The following YTHDC2 variants were observed in gnomAD, a reference collection of about 807,000 sequenced individuals.
YTHDC2 encodes YTH N6-methyladenosine RNA binding protein C2, also known as 3'-5' RNA helicase YTHDC2.
Under a neutral mutation model 174.9 loss-of-function variants are expected in YTHDC2, and 45 were observed. That is an observed-to-expected ratio of 0.26 (90% confidence interval 0.20 to 0.33). YTHDC2 has a LOEUF of 0.33. Among genes scored for constraint, YTHDC2 ranks in the 10% least tolerant of loss-of-function variants. The probability of loss-of-function intolerance (pLI) is 1.00; values close to 1 mark genes in which losing one functional copy is unlikely to be tolerated. For missense variants in YTHDC2, 1,650 were observed against 1,723.7 expected (o/e 0.96, Z 0.76); for synonymous variants, 657 against 574.5 (o/e 1.14, Z -2.05).
intron 20 of YTHDC2, 94 bp downstream of exon 20, chr5:113,564,225 A>T: frequency 7.5e-7 from 1 of 1,335,124 alleles, no homozygotes; most frequent in Middle Eastern, 2.1e-4. Context: ...TATAAATTTT[A>T]AAATTGCATT....
intron 26 of YTHDC2, among the ~76,000 whole-genome samples, chr5:113,585,603 A>G (rs1041114812): frequency 2.7e-5 from 4 of 150,772 alleles, no homozygotes; most frequent in Non-Finnish European, 4.4e-5. Context: ...CATCACCCCT[A>G]CTCCCTGGTA....
At chr5:113,567,330 G>A (rs1439666405) in intron 22 of YTHDC2, 33 bp downstream of exon 22, 1 of 1,560,496 alleles carries the variant, frequency 6.4e-7, no homozygotes, top group Non-Finnish European at 8.6e-7. Flanking sequence ...GGGTTTTGAG[G>A]TGAAACTAAT....
chr5:113,542,929 C>G (rs572076509), intron 10 of YTHDC2, among the ~76,000 whole-genome samples: 1 of 152,276 alleles, frequency 6.6e-6, no homozygotes, highest in Non-Finnish European at 1.5e-5. Flanking sequence ...CAGTTAACTT[C>G]CAGTATTTCA....
chr5:113,522,825 G>A (rs1450144480), intron 2 of YTHDC2, among the ~76,000 whole-genome samples: 1 of 151,992 alleles, frequency 6.6e-6, no homozygotes, highest in Non-Finnish European at 1.5e-5. Flanking sequence ...ACTGTGGTAG[G>A]AATAATCAGT....
intron 26 of YTHDC2, among the ~76,000 whole-genome samples, chr5:113,589,407 AAATATATATAT>A (rs1168993900): frequency 9.2e-6 from 1 of 108,692 alleles, no homozygotes; most frequent in African/African-American, 3.9e-5. Context: ...AAAAAAAAAA[AAATATATATAT>A]ATATATATAT....
intron 26 of YTHDC2, among the ~76,000 whole-genome samples, chr5:113,589,406 A>AT (rs1350140447): frequency 0.015 from 1,642 of 110,972 alleles, 14 homozygotes; most frequent in Middle Eastern, 0.027. Context: ...AAAAAAAAAA[A>AT]AAATATATAT....
intron 1 of YTHDC2, among the ~76,000 whole-genome samples, chr5:113,514,491 C>CAA (rs1460806310): frequency 1.3e-5 from 2 of 152,192 alleles, no homozygotes; most frequent in African/African-American, 4.8e-5. Context: ...AATGCACCAG[C>CAA]AATACGTTTG....
intron 26 of YTHDC2, among the ~76,000 whole-genome samples, chr5:113,589,809 A>G (rs1402820786): frequency 2.0e-5 from 3 of 152,168 alleles, no homozygotes. Flanking sequence ...GGACATAATG[A>G]ATGTATTTAT....
chr5:113,514,186 G>A (rs1351800150), intron 1 of YTHDC2, 104 bp downstream of exon 1: 3 of 1,418,966 alleles, frequency 2.1e-6, no homozygotes, highest in Non-Finnish European at 2.9e-6. Flanking sequence ...TCCGAAGAGG[G>A]AGGGAAGACC....
chr5:113,553,221 G>C lies in YTHDC2; in HGVS notation c.1729G>C (p.Val577Leu), dbSNP rs1776379165. 2 of 1,565,532 alleles carry C rather than the reference G, an allele frequency of 1.3e-6. No individual in the cohort carries two copies. The stretch of plus-strand genomic sequence containing the variant: ...TGGAAATCTAGATGAAAGTTCTCTG[G>C]TTCAAACAAATGGAAGTGACCTCAG... ...EFGNLDESSL[V>L]QTNGSDLSAE... Residue 577 changes from valine (V) to leucine (L), a missense_variant, in exon 13 of 30, where the codon GTT becomes CTT. Around this residue, in one of 5 missense-constraint regions of YTHDC2, gnomAD observed 411 missense variants for 380.6 expected, o/e 1.08. Transcript: ENST00000161863.
chr5:113,581,741 A>G (rs1778415050), intron 25 of YTHDC2, 32 bp downstream of exon 25: 1 of 1,429,332 alleles, frequency 7.0e-7, no homozygotes, highest in Non-Finnish European at 9.2e-7. Flanking sequence ...AAAATGGGTC[A>G]CTTTTTATTC....
chr5:113,566,212 G>A (rs539679274), intron 21 of YTHDC2, among the ~76,000 whole-genome samples, 193 bp downstream of exon 21: 1 of 152,214 alleles, frequency 6.6e-6, no homozygotes, highest in East Asian at 1.9e-4. Flanking sequence ...AAATGCTATT[G>A]CAGGAGGTGT....
intron 3 of YTHDC2, 43 bp from the exon 4 acceptor site, chr5:113,526,543 C>A (rs768219065): frequency 1.4e-6 from 2 of 1,467,166 alleles, no homozygotes; most frequent in Non-Finnish European, 1.8e-6. Flanking sequence ...CTTCTTTTTC[C>A]GTGTTGATCA....
At chr5:113,550,143 A>AG (rs1188867702) in intron 12 of YTHDC2, among the ~76,000 whole-genome samples, 1 of 151,520 alleles carries the variant, frequency 6.6e-6, no homozygotes, top group Non-Finnish European at 1.5e-5. Context: ...AAAACCGGGC[A>AG]GGTACAGCAC....
intron 2 of YTHDC2, chr5:113,517,585 G>A (rs1773531190): frequency 2.2e-6 from 1 of 456,158 alleles, no homozygotes; most frequent in African/African-American, 2.0e-5. Flanking sequence ...GAAGAAAAAG[G>A]AAAGAGATGC....
At chr5:113,515,184 A>G in intron 1 of YTHDC2, 88 bp from the exon 2 acceptor site, 1 of 866,250 alleles carries the variant, frequency 1.2e-6, no homozygotes, top group Non-Finnish European at 1.9e-6. Flanking sequence ...TTGTCTATGT[A>G]TGTTTTTCAT....
intron 12 of YTHDC2, among the ~76,000 whole-genome samples, chr5:113,552,245 A>G (rs546237124): frequency 1.3e-5 from 2 of 152,206 alleles, no homozygotes; most frequent in South Asian, 4.1e-4. Context: ...TCATATGTTC[A>G]CAGACTTATG....
chr5:113,590,594 AGT>A (rs1161498635), intron 26 of YTHDC2, among the ~76,000 whole-genome samples: 1 of 152,216 alleles, frequency 6.6e-6, no homozygotes, highest in Non-Finnish European at 1.5e-5. Flanking sequence ...TGTCTAAGAT[AGT>A]ACATTGCCAT....
chr5:113,552,835 C>A (rs910015885), intron 12 of YTHDC2, among the ~76,000 whole-genome samples: 1 of 152,042 alleles, frequency 6.6e-6, no homozygotes, highest in Admixed American at 6.6e-5. Context: ...TATTGTCTGT[C>A]TTTTTGATTG....
Sources: allele counts gnomAD v4.1 joint callset (sites outside exome capture counted in the v4.1 genomes callset), GRCh38; gene constraint gnomAD v4.1.1; regional missense constraint gnomAD v4.1.1; transcripts MANE v1.5; gene names NCBI Gene and HGNC (gene_info 2026-07-23, HGNC 2026-07-21).